The following ADAMTS6 variants were observed in gnomAD, a reference collection of about 807,000 sequenced individuals.
ADAMTS6 encodes ADAM metallopeptidase with thrombospondin type 1 motif 6, also known as A disintegrin and metalloproteinase with thrombospondin motifs 6.
ADAMTS6 carries 23 observed loss-of-function variants against 144.3 expected under a neutral mutation model. The ratio of observed to expected loss-of-function variants is 0.16; its 90% CI spans 0.11 to 0.23. The LOEUF is 0.23. Among genes scored for constraint, ADAMTS6 ranks in the 10% least tolerant of loss-of-function variants. ADAMTS6 has a pLI of 1.00. For synonymous variants in ADAMTS6, 444 were observed against 457.5 expected, an observed-to-expected ratio of 0.97 and a Z score of 0.38; for missense variants, 999 against 1,379.6, an observed-to-expected ratio of 0.72 and a Z score of 4.37.
chr5:65,405,280 T>G (rs1414242392), intron 7 of ADAMTS6, among the ~76,000 whole-genome samples: 1 of 152,232 alleles, frequency 6.6e-6, no homozygotes, highest in East Asian at 1.9e-4. Context: ...TGGATTTAGA[T>G]CTAACATTTC....
chr5:65,332,312 TAGAGAGAGAG>T (rs10673039), intron 8 of ADAMTS6, among the ~76,000 whole-genome samples: 2 of 102,088 alleles, frequency 2.0e-5, no homozygotes, highest in African/African-American at 3.4e-5. Flanking sequence ...TATATATATA[TAGAGAGAGAG>T]AGAGAGAGAG....
chr5:65,389,200 T>G (rs1473840119), intron 7 of ADAMTS6, among the ~76,000 whole-genome samples: 1 of 150,254 alleles, frequency 6.7e-6, no homozygotes, highest in Non-Finnish European at 1.5e-5. Context: ...CGAGACTCCA[T>G]CTCAAAGAAA....
intron 7 of ADAMTS6, among the ~76,000 whole-genome samples, chr5:65,441,123 G>A (rs1383834218): frequency 6.6e-6 from 1 of 152,022 alleles, no homozygotes; most frequent in Non-Finnish European, 1.5e-5. Context: ...ATTTTCTAAA[G>A]CCTAGAGATC....
intron 21 of ADAMTS6, 78 bp downstream of exon 21, chr5:65,196,944 A>G (rs1187179206): frequency 5.3e-6 from 8 of 1,498,892 alleles, no homozygotes; most frequent in Non-Finnish European, 7.2e-6. Context: ...TCATATAAAT[A>G]TATTTCCAAA....
chr5:65,324,928 A>G (rs141981772), intron 9 of ADAMTS6, among the ~76,000 whole-genome samples: 1 of 152,300 alleles, frequency 6.6e-6, no homozygotes, highest in East Asian at 1.9e-4. Context: ...AACAACCAGA[A>G]AAGTGATATG....
intron 14 of ADAMTS6, among the ~76,000 whole-genome samples, chr5:65,249,208 C>G (rs1759927499): frequency 6.6e-6 from 1 of 152,102 alleles, no homozygotes; most frequent in African/African-American, 2.4e-5. Context: ...ATGGTCCACA[C>G]CTGTTGCACT....
At chr5:65,441,535 G>C (rs1372836694) in intron 7 of ADAMTS6, among the ~76,000 whole-genome samples, 2 of 151,712 alleles carry the variant, frequency 1.3e-5, no homozygotes, top group South Asian at 4.2e-4. Flanking sequence ...ACTCAGTAAG[G>C]GTAAAGAATA....
intron 18 of ADAMTS6, among the ~76,000 whole-genome samples, chr5:65,222,265 C>T (rs1757375392): frequency 6.6e-6 from 1 of 152,140 alleles, no homozygotes; most frequent in Non-Finnish European, 1.5e-5. Context: ...GGTTTAAGGA[C>T]AGAAACCTAG....
chr5:65,286,304 T>C (rs1580297646), intron 11 of ADAMTS6, among the ~76,000 whole-genome samples: 1 of 151,706 alleles, frequency 6.6e-6, no homozygotes, highest in Admixed American at 6.6e-5. Flanking sequence ...GGTGAACAGA[T>C]TTTTTTTTAT....
intron 7 of ADAMTS6, among the ~76,000 whole-genome samples, chr5:65,361,837 C>T (rs774097553): frequency 2.0e-5 from 3 of 151,934 alleles, no homozygotes; most frequent in Non-Finnish European, 4.4e-5. Context: ...AGGCTCAGGC[C>T]ATCCTTCCAC....
chr5:65,328,681 A>G (rs556155215), intron 9 of ADAMTS6, among the ~76,000 whole-genome samples: 7 of 152,180 alleles, frequency 4.6e-5, no homozygotes, highest in African/African-American at 1.7e-4. Context: ...ATTTTAAAAA[A>G]AAAGTATTAT....
Position 65,373,520 on chromosome 5 carries a change from A to C in ADAMTS6, c.1074-39435T>G, listed in dbSNP as rs1359774510. On this transcript the variant is annotated intron_variant, in intron 7 of 24. Transcript: ENST00000381055. ...CTAGAAAATCTAGAAGAAATGGATA[A>C]ATTCCTCGACACATACACTCTCCCA... is the stretch of plus-strand genomic sequence containing the variant. 3.3e-5 allele frequency among the ~76,000 whole-genome samples: 5 copies of C among 151,478 alleles called. No homozygotes were observed. In the South Asian group the frequency reaches 6.3e-4, roughly 19 times the overall value.
chr5:65,349,568 T>A (rs981882800), intron 7 of ADAMTS6, among the ~76,000 whole-genome samples: 1 of 152,070 alleles, frequency 6.6e-6, no homozygotes, highest in Non-Finnish European at 1.5e-5. Flanking sequence ...TAAAAAAGAC[T>A]TTGAGGCCAG....
intron 3 of ADAMTS6, among the ~76,000 whole-genome samples, chr5:65,460,737 T>C (rs1189326018): frequency 6.6e-6 from 1 of 152,230 alleles, no homozygotes; most frequent in Non-Finnish European, 1.5e-5. Context: ...CAGAGGGTTA[T>C]GTAACACTTT....
At chr5:65,316,743 T>C (rs773982082) in intron 9 of ADAMTS6, among the ~76,000 whole-genome samples, 12 of 152,058 alleles carry the variant, frequency 7.9e-5, no homozygotes, top group Non-Finnish European at 1.5e-4. Flanking sequence ...AGGATAAAAA[T>C]AAACATTTCC....
At chr5:65,239,610 G>A (rs534189285) in intron 15 of ADAMTS6, among the ~76,000 whole-genome samples, 65 of 152,172 alleles carry the variant, frequency 4.3e-4, no homozygotes, top group Non-Finnish European at 6.5e-4. Context: ...CATTTAAAAA[G>A]CAATGGGAAA....
At chr5:65,465,253 A>G (rs1759911062) in intron 3 of ADAMTS6, among the ~76,000 whole-genome samples, 1 of 152,158 alleles carries the variant, frequency 6.6e-6, no homozygotes, top group African/African-American at 2.4e-5. Context: ...CCCCTCCGAT[A>G]GACATTGCAA....
chr5:65,274,488 C>T (rs555404947), intron 11 of ADAMTS6, among the ~76,000 whole-genome samples: 5 of 151,908 alleles, frequency 3.3e-5, no homozygotes, highest in Middle Eastern at 3.4e-3. Flanking sequence ...CTTTTAACTC[C>T]CAAAACATAA....
At chr5:65,325,036 C>T (rs1746028234) in intron 9 of ADAMTS6, among the ~76,000 whole-genome samples, 1 of 152,142 alleles carries the variant, frequency 6.6e-6, no homozygotes. Context: ...AATACCTAGA[C>T]ACAAAAGAGT....
Sources: gnomAD v4.1 joint callset for allele counts (sites outside exome capture counted in the v4.1 genomes callset) on GRCh38, gnomAD v4.1.1 for gene constraint, MANE v1.5 for transcripts, NCBI Gene and HGNC (gene_info 2026-07-23, HGNC 2026-07-21) for gene names.